ATP6V1H: variants seen among roughly 807,000 people sequenced by gnomAD.
ATP6V1H encodes ATPase H+ transporting V1 subunit H, also known as V-type proton ATPase subunit H.
ATP6V1H carries 39 observed loss-of-function variants against 71.7 expected under a neutral mutation model. The ratio of observed to expected loss-of-function variants is 0.54; its 90% CI spans 0.42 to 0.71. ATP6V1H has a LOEUF of 0.71. Ranked by LOEUF, ATP6V1H falls within the 30% of genes least tolerant of loss-of-function variation. The pLI, the probability that ATP6V1H is intolerant of heterozygous loss-of-function variation, is 0.00. For missense variants in ATP6V1H, 509 were observed against 594.9 expected (o/e 0.86, Z 1.50); for synonymous variants, 192 against 199.3 (o/e 0.96, Z 0.31).
At chr8:53,751,332 G>C (rs1158076187) in intron 12 of ATP6V1H, among the ~76,000 whole-genome samples, 1 of 152,214 alleles carries the variant, frequency 6.6e-6, no homozygotes, top group Non-Finnish European at 1.5e-5. Flanking sequence ...CACTGACAAA[G>C]GACTAGCTAT....
chr8:53,763,582 T>C (rs1808350420), intron 11 of ATP6V1H, among the ~76,000 whole-genome samples: 1 of 152,030 alleles, frequency 6.6e-6, no homozygotes, highest in Non-Finnish European at 1.5e-5. Context: ...CTAAAATTCA[T>C]ATAAAATGTT....
intron 12 of ATP6V1H, among the ~76,000 whole-genome samples, chr8:53,749,245 CAG>C: frequency 6.6e-6 from 1 of 152,322 alleles, no homozygotes; most frequent in Admixed American, 6.5e-5. Context: ...TCAGATTAAA[CAG>C]AGAAGAATCT....
At chr8:53,839,087 T>C (rs1811264427) in intron 2 of ATP6V1H, among the ~76,000 whole-genome samples, 1 of 152,120 alleles carries the variant, frequency 6.6e-6, no homozygotes, top group Non-Finnish European at 1.5e-5. Context: ...AAGACAGATA[T>C]ATAGGAAAAC....
At chr8:53,768,259 G>A (rs1360154973) in intron 11 of ATP6V1H, among the ~76,000 whole-genome samples, 1 of 152,186 alleles carries the variant, frequency 6.6e-6, no homozygotes, top group Non-Finnish European at 1.5e-5. Context: ...CTCAGTGTGA[G>A]TGGCTAGAAT....
At chr8:53,812,170 A>G (rs1282173472) in intron 6 of ATP6V1H, among the ~76,000 whole-genome samples, 1 of 152,088 alleles carries the variant, frequency 6.6e-6, no homozygotes, top group Non-Finnish European at 1.5e-5. Context: ...GGACAGTGCA[A>G]TGAGAGCCAA....
chr8:53,800,341 G>C (rs1809868579), intron 8 of ATP6V1H, among the ~76,000 whole-genome samples: 2 of 152,216 alleles, frequency 1.3e-5, no homozygotes, highest in South Asian at 4.1e-4. Flanking sequence ...CTCCTGACAA[G>C]TGTGAACACA....
intron 3 of ATP6V1H, chr8:53,831,869 G>A (rs1811019438): frequency 6.6e-6 from 1 of 151,222 alleles, no homozygotes; most frequent in African/African-American, 2.4e-5. Flanking sequence ...AAAGTACTGG[G>A]ATTACAAGTG....
In ATP6V1H at chr8:53,721,545, A is replaced by G. The variant is rs117698893; in HGVS notation, c.1392-5521T>C. On this transcript the variant is annotated intron_variant, in intron 13 of 13. Transcript: ENST00000359530. Reference sequence around the variant, plus strand: ...TTATGTACTCTTCACAAGAATACCCATAAAGGTACAGATGAGCCCAATTTA... The same window carrying G: ...TTATGTACTCTTCACAAGAATACCCGTAAAGGTACAGATGAGCCCAATTTA... 4.0e-3 allele frequency among the ~76,000 whole-genome samples: 610 copies of G among 152,340 alleles called. 4 individuals are homozygous for G. The highest frequency in any genetic ancestry group is 0.011 in the African/African-American group (465 of 41,578).
In ATP6V1H at chr8:53,814,685, T is replaced by A; in HGVS notation, c.502A>T (p.Ile168Leu). ...ACCTGTGAACTCAGCTGAGTTTTTA[T>A]CCAATTGAAATAGTAATTTAAGTCA... The part of the protein sequence containing the change: ...GSDLNYYFNW[I>L]KTQLSSQKLR... The change falls in exon 6 of 14, where the codon ATA becomes TTA. Residue 168 changes from isoleucine to leucine, a missense_variant. This residue lies in a region of ATP6V1H where 297 missense variants were observed against 303.3 expected (regional missense o/e 0.98). Coordinates refer to ENST00000359530, the MANE Select transcript of ATP6V1H (RefSeq NM_015941.4). 1 of 1,611,248 alleles carries A rather than the reference T, an allele frequency of 6.2e-7. No individual in the cohort carries two copies. The highest frequency in any genetic ancestry group is 8.5e-7 in the Non-Finnish European group (1 of 1,178,432).
At chr8:53,806,710 G>A (rs1220637235) in intron 7 of ATP6V1H, 2 of 373,482 alleles carry the variant, frequency 5.4e-6, no homozygotes, top group Admixed American at 6.4e-5. Flanking sequence ...AAAATGACAT[G>A]TAAAAGAAAG....
intron 4 of ATP6V1H, among the ~76,000 whole-genome samples, chr8:53,823,998 A>G (rs1414806428): frequency 6.9e-6 from 1 of 145,956 alleles, no homozygotes; most frequent in Non-Finnish European, 1.5e-5. Flanking sequence ...GTTAATCAAG[A>G]AAAAAAAAAA....
At chr8:53,763,862 T>C (rs1742786802) in intron 11 of ATP6V1H, among the ~76,000 whole-genome samples, 1 of 152,160 alleles carries the variant, frequency 6.6e-6, no homozygotes, top group South Asian at 2.1e-4. Flanking sequence ...TATCAACTGG[T>C]AGAAACACTT....
chr8:53,814,445 T>C (rs116553454), intron 6 of ATP6V1H, among the ~76,000 whole-genome samples: 1 of 151,742 alleles, frequency 6.6e-6, no homozygotes, highest in Non-Finnish European at 1.5e-5. Context: ...AAACCCCAAG[T>C]GGCAGAAAAG....
At chr8:53,721,932 A>C (rs553318319) in intron 13 of ATP6V1H, among the ~76,000 whole-genome samples, 1 of 152,380 alleles carries the variant, frequency 6.6e-6, no homozygotes, top group Non-Finnish European at 1.5e-5. Context: ...GAGATCAGTG[A>C]TTCTAAAAGT....
intron 9 of ATP6V1H, among the ~76,000 whole-genome samples, chr8:53,780,876 T>C (rs1196037920): frequency 1.3e-5 from 2 of 152,254 alleles, no homozygotes; most frequent in African/African-American, 2.4e-5. Flanking sequence ...GAACTCATCA[T>C]TTTTTATGGC....
At chr8:53,839,294 T>C (rs937269676) in intron 2 of ATP6V1H, among the ~76,000 whole-genome samples, 9 of 152,214 alleles carry the variant, frequency 5.9e-5, no homozygotes, top group African/African-American at 2.2e-4. Flanking sequence ...TAAAACTCCC[T>C]GTCCTCTAGT....
At position 53,817,333 on chromosome 8, in the gene ATP6V1H, T is replaced by G. The variant is rs1265540952; in HGVS notation, c.420+84A>C. On this transcript the variant is annotated intron_variant, in intron 5 of 13. Coordinates refer to ENST00000359530, the MANE Select transcript of ATP6V1H (RefSeq NM_015941.4). ...CAGGCGGACTGCTTGAGCCCTAAAG[T>G]TCAAGACCAGCCTGGACAACATAGT... 3 of 924,224 alleles carry G rather than the reference T, an allele frequency of 3.2e-6. No homozygotes were observed. In the African/African-American group the frequency reaches 5.1e-5, roughly 16 times the overall value. 57.3% of individuals were successfully genotyped at this position (924,224 alleles called of 1,614,324 possible).
chr8:53,835,419 G>C (rs1345798656), intron 2 of ATP6V1H, among the ~76,000 whole-genome samples: 1 of 152,178 alleles, frequency 6.6e-6, no homozygotes, highest in African/African-American at 2.4e-5. Context: ...CTCCCCAAGA[G>C]AAGGGACCTG....
intron 9 of ATP6V1H, among the ~76,000 whole-genome samples, chr8:53,777,572 T>A (rs1317589896): frequency 6.6e-6 from 1 of 152,062 alleles, no homozygotes; most frequent in Non-Finnish European, 1.5e-5. Context: ...CCTGAGATAA[T>A]CAGTCACCAG....
Sources: allele counts gnomAD v4.1 joint callset (sites outside exome capture counted in the v4.1 genomes callset), GRCh38; gene constraint gnomAD v4.1.1; regional missense constraint gnomAD v4.1.1; transcripts MANE v1.5; gene names NCBI Gene and HGNC (gene_info 2026-07-23, HGNC 2026-07-21).